AUTS2: variants seen among roughly 807,000 people sequenced by gnomAD.
The protein encoded by AUTS2 is autism susceptibility gene 2 protein.
AUTS2 carries 17 observed loss-of-function variants against 112.4 expected under a neutral mutation model. That is an observed-to-expected ratio of 0.15 (90% CI 0.10 to 0.23). The LOEUF is 0.23. AUTS2 is among the 10% of genes least tolerant of loss of function. The probability of loss-of-function intolerance (pLI) is 1.00; values close to 1 mark genes in which losing one functional copy is unlikely to be tolerated. For synonymous variants in AUTS2, 751 were observed against 702.7 expected (o/e 1.07, Z -1.09); for missense variants, 1,510 against 1,701.6 (o/e 0.89, Z 1.98).
intron 1 of AUTS2, among the ~76,000 whole-genome samples, chr7:69,657,314 C>T (rs777729470): frequency 3.3e-5 from 5 of 152,182 alleles, no homozygotes; most frequent in Non-Finnish European, 7.3e-5. Context: ...GAGGTGCAGG[C>T]AAATATTTGA....
At chr7:69,983,679 G>A (rs1317031107) in intron 2 of AUTS2, among the ~76,000 whole-genome samples, 1 of 152,140 alleles carries the variant, frequency 6.6e-6, no homozygotes, top group Non-Finnish European at 1.5e-5. Flanking sequence ...TTTTATTAGT[G>A]TAGTTGATTA....
chr7:70,498,875 C>A (rs999406700), intron 5 of AUTS2, among the ~76,000 whole-genome samples: 9 of 152,182 alleles, frequency 5.9e-5, no homozygotes, highest in Admixed American at 5.9e-4. Context: ...ACTGCTGCCA[C>A]AGTAACAGCG....
chr7:70,617,298 A>G (rs1428192427), intron 5 of AUTS2, among the ~76,000 whole-genome samples: 1 of 152,206 alleles, frequency 6.6e-6, no homozygotes, highest in African/African-American at 2.4e-5. Flanking sequence ...TCCCTCCTTC[A>G]GGTATGACAG....
chr7:70,650,259 G>A (rs555109327), intron 5 of AUTS2, among the ~76,000 whole-genome samples: 4 of 152,112 alleles, frequency 2.6e-5, no homozygotes, highest in East Asian at 1.9e-4. Flanking sequence ...GTTACATACC[G>A]TCTCCTAAAA....
intron 1 of AUTS2, among the ~76,000 whole-genome samples, chr7:69,774,864 G>A (rs1360310202): frequency 9.2e-5 from 14 of 152,030 alleles, no homozygotes; most frequent in Non-Finnish European, 1.5e-5. Context: ...TGCCCCAGGT[G>A]GTTCTTGGGA....
At chr7:70,688,654 C>T (rs1808589958) in intron 5 of AUTS2, among the ~76,000 whole-genome samples, 1 of 151,854 alleles carries the variant, frequency 6.6e-6, no homozygotes. Flanking sequence ...ATAAAGAGAC[C>T]CTGTCTCTAC....
At chr7:69,632,046 G>T (rs1189177527) in intron 1 of AUTS2, among the ~76,000 whole-genome samples, 3 of 152,156 alleles carry the variant, frequency 2.0e-5, no homozygotes, top group Non-Finnish European at 4.4e-5. Flanking sequence ...CAGTCAGTGG[G>T]ATTAAATGTT....
chr7:70,116,587 T>G (rs1415688182), intron 2 of AUTS2, among the ~76,000 whole-genome samples: 2 of 152,204 alleles, frequency 1.3e-5, no homozygotes, highest in African/African-American at 4.8e-5. Flanking sequence ...TTTTCATTCA[T>G]GCACCCAGCT....
chr7:70,574,871 T>C (rs1313940572), intron 5 of AUTS2, among the ~76,000 whole-genome samples: 1 of 152,164 alleles, frequency 6.6e-6, no homozygotes, highest in Non-Finnish European at 1.5e-5. Context: ...GGAGGAGAAC[T>C]TCACTGAGCA....
chr7:69,819,897 C>T (rs1410104808), intron 1 of AUTS2, among the ~76,000 whole-genome samples: 4 of 152,130 alleles, frequency 2.6e-5, no homozygotes, highest in Admixed American at 1.3e-4. Flanking sequence ...CTGGGCCCAG[C>T]CCCCAGTAAG....
chr7:70,075,146 C>T (rs1802965856), intron 2 of AUTS2, among the ~76,000 whole-genome samples: 1 of 152,206 alleles, frequency 6.6e-6, no homozygotes, highest in African/African-American at 2.4e-5. Context: ...CCATCCAGAA[C>T]AATTCCCCTC....
intron 1 of AUTS2, among the ~76,000 whole-genome samples, chr7:69,643,881 C>T (rs1034189227): frequency 2.6e-5 from 4 of 152,202 alleles, no homozygotes; most frequent in African/African-American, 9.7e-5. Flanking sequence ...GGAGATGAGG[C>T]TGCAGTGAGC....
chr7:70,553,697 A>ATT (rs111723309), intron 5 of AUTS2, among the ~76,000 whole-genome samples: 2 of 129,124 alleles, frequency 1.5e-5, no homozygotes, highest in Non-Finnish European at 3.3e-5. Flanking sequence ...TTGCAAGGTG[A>ATT]TTTTTTTTTT....
intron 5 of AUTS2, among the ~76,000 whole-genome samples, chr7:70,516,708 G>A (rs1799430989): frequency 6.6e-6 from 1 of 152,186 alleles, no homozygotes; most frequent in Admixed American, 6.5e-5. Context: ...TGCTACATAT[G>A]AATAACGTAC....
At chr7:69,673,418 C>T (rs929997073) in intron 1 of AUTS2, among the ~76,000 whole-genome samples, 9 of 152,176 alleles carry the variant, frequency 5.9e-5, no homozygotes, top group African/African-American at 1.7e-4. Context: ...TATTCTATGG[C>T]GCTAAAGACA....
chr7:69,905,917 G>GGA (rs1440600884), intron 2 of AUTS2, among the ~76,000 whole-genome samples: 7 of 152,202 alleles, frequency 4.6e-5, no homozygotes, highest in Admixed American at 3.3e-4. Context: ...GATACCTACA[G>GGA]GAGTTGTTCC....
intron 4 of AUTS2, among the ~76,000 whole-genome samples, chr7:70,173,039 A>T (rs1194954528): frequency 6.6e-6 from 1 of 152,116 alleles, no homozygotes; most frequent in Admixed American, 6.5e-5. Flanking sequence ...TGGGGTTTCA[A>T]TTTCTTCCTA....
At chr7:69,962,058 G>A (rs1193824926) in intron 2 of AUTS2, among the ~76,000 whole-genome samples, 1 of 152,104 alleles carries the variant, frequency 6.6e-6, no homozygotes, top group Non-Finnish European at 1.5e-5. Flanking sequence ...GGCAAGGGAG[G>A]AATATTATCC....
At chr7:69,826,852 C>A (rs1423118965) in intron 1 of AUTS2, among the ~76,000 whole-genome samples, 1 of 151,998 alleles carries the variant, frequency 6.6e-6, no homozygotes, top group Non-Finnish European at 1.5e-5. Context: ...AGTTGTTTTC[C>A]TTCCTCCAAC....
Sources: gnomAD v4.1 joint callset for allele counts (sites outside exome capture counted in the v4.1 genomes callset) on GRCh38, gnomAD v4.1.1 for gene constraint, MANE v1.5 for transcripts, NCBI Gene and HGNC (gene_info 2026-07-23, HGNC 2026-07-21) for gene names.